The following PCDHA11 variants were observed in gnomAD, a reference collection of about 807,000 sequenced individuals.
PCDHA11 encodes the protein protocadherin alpha-11.
Under a neutral mutation model 70.3 loss-of-function variants are expected in PCDHA11, and 61 were observed. That is an observed-to-expected ratio of 0.87 (90% CI 0.71 to 1.07). The LOEUF is 1.07. Among genes scored for constraint, PCDHA11 ranks in the 50% least tolerant of loss-of-function variants. The pLI, the probability that PCDHA11 is intolerant of heterozygous loss-of-function variation, is 0.00. For missense variants in PCDHA11, 1,324 were observed against 1,237.5 expected (o/e 1.07, Z -1.05); for synonymous variants, 633 against 555.1 (o/e 1.14, Z -1.97).
At chr5:141,008,299 C>T (rs1223779122) in intron 3 of PCDHA11, among the ~76,000 whole-genome samples, 2 of 152,120 alleles carry the variant, frequency 1.3e-5, no homozygotes, top group Non-Finnish European at 2.9e-5. Flanking sequence ...TGTACCCAAC[C>T]CTAAACTGTA....
chr5:140,971,161 C>T (rs189213416), intron 1 of PCDHA11, among the ~76,000 whole-genome samples: 1 of 152,292 alleles, frequency 6.6e-6, no homozygotes, highest in Non-Finnish European at 1.5e-5. Flanking sequence ...CCAGGCTCAG[C>T]TTTGCCACCA....
chr5:140,923,062 A>G (rs548165193), intron 1 of PCDHA11, among the ~76,000 whole-genome samples: 1 of 152,372 alleles, frequency 6.6e-6, no homozygotes, highest in African/African-American at 2.4e-5. Context: ...TAAAAGAGCT[A>G]GGTCTCCTCA....
intron 3 of PCDHA11, among the ~76,000 whole-genome samples, chr5:140,984,467 T>G (rs1358469857): frequency 4.6e-5 from 7 of 152,220 alleles, no homozygotes; most frequent in African/African-American, 1.7e-4. Context: ...CCAGCCCCTC[T>G]TGTATAACCC....
At chr5:140,970,810 A>G (rs2096434442) in intron 1 of PCDHA11, among the ~76,000 whole-genome samples, 1 of 152,138 alleles carries the variant, frequency 6.6e-6, no homozygotes. Flanking sequence ...TTACATTTCA[A>G]GTTCATGGTA....
intron 1 of PCDHA11, among the ~76,000 whole-genome samples, chr5:140,941,445 A>C (rs1472770794): frequency 8.0e-5 from 12 of 149,892 alleles, no homozygotes; most frequent in Middle Eastern, 6.8e-3. Context: ...CCTCGGGAGT[A>C]GCTGGGATTA....
At chr5:140,926,598 G>A (rs2083387215) in intron 1 of PCDHA11, 1 of 313,802 alleles carries the variant, frequency 3.2e-6, no homozygotes. Flanking sequence ...CGGGCGGGCG[G>A]CCTCGTCTCT....
At chr5:140,977,816 T>C (rs2096776197) in intron 1 of PCDHA11, among the ~76,000 whole-genome samples, 1 of 152,190 alleles carries the variant, frequency 6.6e-6, no homozygotes, top group Non-Finnish European at 1.5e-5. Flanking sequence ...TTATTGACAG[T>C]TTTGAATGGT....
intron 3 of PCDHA11, among the ~76,000 whole-genome samples, chr5:140,987,781 A>G (rs2097267961): frequency 6.6e-6 from 1 of 152,208 alleles, no homozygotes; most frequent in East Asian, 1.9e-4. Context: ...AGAATCTGCT[A>G]TAGAGAAGAT....
chr5:141,007,470 A>G (rs1395064697), intron 3 of PCDHA11, among the ~76,000 whole-genome samples: 2 of 151,494 alleles, frequency 1.3e-5, no homozygotes. Context: ...CAGGAGGCTG[A>G]GGCACGAGAA....
rs782184518 is a variant in PCDHA11 at position 140,875,731 on chromosome 5, A to G, written c.2391+4237A>G. On this transcript the variant is annotated intron_variant, in intron 1 of 3. Transcript: ENST00000398640. ...TCTGCAGAATGGCATTTTGTTTGTG[A>G]ATTCTCGGATCGACCGCGAGAAGCT... The G allele has an allele frequency of 1.2e-6, 2 of 1,614,032 alleles. No individual in the cohort carries two copies. Among genetic ancestry groups the G allele is most frequent in the African/African-American group, 2.7e-5 (2 of 74,906 alleles).
At chr5:140,928,874 C>T (rs782794510) in intron 1 of PCDHA11, 1 of 1,614,194 alleles carries the variant, frequency 6.2e-7, no homozygotes, top group Admixed American at 1.7e-5. Context: ...AACTCTGTCC[C>T]TCAGTTACTT....
chr5:141,006,290 C>G (rs1465211339), intron 3 of PCDHA11, among the ~76,000 whole-genome samples: 5 of 152,050 alleles, frequency 3.3e-5, no homozygotes, highest in Non-Finnish European at 5.9e-5. Flanking sequence ...CAGCTCACTG[C>G]AAGCTCCACT....
chr5:140,966,075 T>C (rs1164431515), intron 1 of PCDHA11: 1 of 153,402 alleles, frequency 6.5e-6, no homozygotes, highest in Non-Finnish European at 1.4e-5. Context: ...CCCTGCGTTG[T>C]TTCCTTTTAA....
chr5:140,902,191 C>G (rs1218204978), intron 1 of PCDHA11, among the ~76,000 whole-genome samples: 1 of 147,360 alleles, frequency 6.8e-6, no homozygotes, highest in Non-Finnish European at 1.5e-5. Context: ...TGTCTTCTCT[C>G]TCTCTCTCTT....
intron 1 of PCDHA11, among the ~76,000 whole-genome samples, chr5:140,881,841 C>T (rs1386401088): frequency 6.6e-6 from 1 of 152,182 alleles, no homozygotes; most frequent in East Asian, 1.9e-4. Context: ...GCATGGAATT[C>T]TTACACATGG....
rs551245842 is a variant in PCDHA11, at chr5:140,927,508, C to G, written c.2392-51441C>G. 3.7e-6 allele frequency: 6 copies of G among 1,614,074 alleles called. No individual in the cohort carries two copies. In the Admixed American group the frequency reaches 5.0e-5, roughly 13 times the overall value. ...CACCCACCTGCTGGTGCTTACAGCT[C>G]GGGACGGCGGGCTACCTGCCCGCTC... On this transcript the variant is annotated intron_variant, in intron 1 of 3. Coordinates refer to ENST00000398640, the MANE Select transcript of PCDHA11 (RefSeq NM_018902.5).
chr5:140,951,318 G>C (rs2094570791), intron 1 of PCDHA11, among the ~76,000 whole-genome samples: 1 of 152,038 alleles, frequency 6.6e-6, no homozygotes, highest in Non-Finnish European at 1.5e-5. Context: ...TGTTATTCTT[G>C]AGATTCATCA....
rs568088223 is a variant in PCDHA11, at chr5:140,879,577, G to T, written c.2391+8083G>T. ...ATCCATGAAAGAATAAAATTGCCAA[G>T]ACAGACATTGAAAAGTGAAAAACAA... is the stretch of plus-strand genomic sequence containing the variant. On this transcript the variant is annotated intron_variant, in intron 1 of 3. Transcript: ENST00000398640. Among the ~76,000 whole-genome samples, 5 of 152,302 alleles carry T rather than the reference G, an allele frequency of 3.3e-5. No homozygotes were observed. In the South Asian group the frequency reaches 1.0e-3, roughly 32 times the overall value.
intron 1 of PCDHA11, chr5:140,875,973 T>C (rs782725100): frequency 6.2e-7 from 1 of 1,614,042 alleles, no homozygotes; most frequent in Non-Finnish European, 8.5e-7. Context: ...TAAACTCTCT[T>C]TTGACCTATG....
Sources: gnomAD v4.1 joint callset for allele counts (sites outside exome capture counted in the v4.1 genomes callset) on GRCh38, gnomAD v4.1.1 for gene constraint, MANE v1.5 for transcripts, NCBI Gene and HGNC (gene_info 2026-07-23, HGNC 2026-07-21) for gene names.